Variants in ZEB1 observed in about 807,000 individuals in gnomAD.
ZEB1 encodes the protein zinc finger E-box binding homeobox 1.
Under a neutral mutation model 84.9 loss-of-function variants are expected in ZEB1, and 21 were observed. The observed-to-expected ratio is 0.25, with a 90% CI of 0.18 to 0.36. The LOEUF (loss-of-function observed/expected upper bound fraction) is 0.36. ZEB1 is among the 10% of genes least tolerant of loss of function. The pLI, the probability that ZEB1 is intolerant of heterozygous loss-of-function variation, is 1.00. For synonymous variants in ZEB1, 420 were observed against 471.1 expected (o/e 0.89, Z 1.41); for missense variants, 1,104 against 1,330.2 (o/e 0.83, Z 2.65).
In ZEB1 at chr10:31,319,439, C is replaced by T; in HGVS notation, c.58+147C>T. 5.4e-6 allele frequency: 4 copies of T among 744,928 alleles called. No homozygotes were observed. In the East Asian group the frequency reaches 8.1e-5, roughly 15 times the overall value. The allele number at this position is 744,928 out of a possible 1,614,324, so 46.1% of individuals were successfully genotyped here. A position where few individuals can be genotyped will look rare whatever the true frequency, so the allele number is the denominator to read the frequency against. ...GTGGGAAAGTAGAAAGTAGTGCTCT[C>T]TGCCCCCCTCCGCTGCCGCCGCTGC... On this transcript the variant is annotated intron_variant, in intron 1 of 8. Coordinates refer to ENST00000424869, the MANE Select transcript of ZEB1 (RefSeq NM_001174096.2).
intron 2 of ZEB1, among the ~76,000 whole-genome samples, chr10:31,490,513 G>GTTCTAAAAT (rs1228943075): frequency 1.3e-5 from 2 of 151,538 alleles, no homozygotes. Flanking sequence ...TGTATGTTTA[G>GTTCTAAAAT]TTCTAAAATT....
chr10:31,367,407 A>G (rs994092531), intron 1 of ZEB1, among the ~76,000 whole-genome samples: 1 of 152,144 alleles, frequency 6.6e-6, no homozygotes, highest in South Asian at 2.1e-4. Context: ...AGGTGGTGGT[A>G]GTAGTGATAA....
intron 2 of ZEB1, among the ~76,000 whole-genome samples, chr10:31,488,459 TC>T: frequency 1.3e-5 from 2 of 151,230 alleles, no homozygotes; most frequent in Middle Eastern, 6.8e-3. Flanking sequence ...TGCTTACCGA[TC>T]CTACTACAGT....
chr10:31,486,266 C>A (rs2065751951), intron 2 of ZEB1, among the ~76,000 whole-genome samples: 1 of 151,608 alleles, frequency 6.6e-6, no homozygotes, highest in South Asian at 2.1e-4. Flanking sequence ...GTGATTGCTG[C>A]ATAATATGTT....
At chr10:31,450,698 T>C (rs1338696409) in intron 1 of ZEB1, among the ~76,000 whole-genome samples, 1 of 152,216 alleles carries the variant, frequency 6.6e-6, no homozygotes. Context: ...TGCAAAAGTA[T>C]CAGCAAGGGA....
chr10:31,389,784 T>A (rs1213890044), intron 1 of ZEB1: 1 of 152,172 alleles, frequency 6.6e-6, no homozygotes, highest in African/African-American at 2.4e-5. Flanking sequence ...ACCCAATATA[T>A]ACAAAAATAT....
At chr10:31,356,500 T>G (rs1030355072) in intron 1 of ZEB1, among the ~76,000 whole-genome samples, 3 of 152,154 alleles carry the variant, frequency 2.0e-5, no homozygotes, top group Admixed American at 1.3e-4. Flanking sequence ...TCAAATAGCT[T>G]TCTATTAAGA....
intron 2 of ZEB1, among the ~76,000 whole-genome samples, chr10:31,464,134 G>A (rs185418040): frequency 6.6e-6 from 1 of 152,136 alleles, no homozygotes; most frequent in Admixed American, 6.5e-5. Context: ...AAATTAAACA[G>A]GGTTAAAGAA....
At chr10:31,454,959 A>G (rs565892526) in intron 1 of ZEB1, among the ~76,000 whole-genome samples, 5 of 152,304 alleles carry the variant, frequency 3.3e-5, no homozygotes, top group African/African-American at 4.8e-5. Flanking sequence ...AGCCAAGACA[A>G]TCCTGGGCAA....
intron 1 of ZEB1, among the ~76,000 whole-genome samples, chr10:31,456,702 G>T (rs564686993): frequency 6.6e-6 from 1 of 152,128 alleles, no homozygotes; most frequent in Admixed American, 6.5e-5. Context: ...AGGCTACTTA[G>T]GTACTCTGTT....
chr10:31,407,693 A>G (rs1475404592), intron 1 of ZEB1, among the ~76,000 whole-genome samples: 1 of 152,076 alleles, frequency 6.6e-6, no homozygotes, highest in African/African-American at 2.4e-5. Flanking sequence ...AAATTCAACA[A>G]CACTTCATGC....
rs76483983 is a variant in ZEB1 at position 31,514,540 on chromosome 10, T to C, written c.688-63T>C. ...CACAAAAATGTCACTCTTAGTAGAT[T>C]GGATGTTCTTTAGTCTAAAGATCTT... is the stretch of plus-strand genomic sequence containing the variant. On this transcript the variant is annotated intron_variant, in intron 5 of 8. Transcript: ENST00000424869. 3.3e-3 allele frequency: 4,665 copies of C among 1,431,732 alleles called. 106 individuals carry two copies. In the African/African-American group the frequency reaches 0.055, roughly 17 times the overall value. 88.7% of individuals were successfully genotyped at this position (1,431,732 alleles called of 1,614,324 possible).
chr10:31,525,122 T>C (rs974878955), intron 8 of ZEB1, among the ~76,000 whole-genome samples: 1 of 152,206 alleles, frequency 6.6e-6, no homozygotes, highest in African/African-American at 2.4e-5. Context: ...AAGTCAAATA[T>C]CAGCATCCGT....
intron 1 of ZEB1, among the ~76,000 whole-genome samples, chr10:31,450,361 G>T (rs1011937246): frequency 1.1e-4 from 16 of 151,836 alleles, no homozygotes; most frequent in Admixed American, 2.0e-4. Context: ...TTTTTAGCTG[G>T]TTATTGTTGA....
intron 2 of ZEB1, among the ~76,000 whole-genome samples, chr10:31,486,179 G>GTTGC (rs2065736473): frequency 6.6e-6 from 1 of 151,786 alleles, no homozygotes; most frequent in Non-Finnish European, 1.5e-5. Flanking sequence ...TATGAGTAAA[G>GTTGC]TTGCTGTAAA....
At chr10:31,449,745 A>G (rs1339241050) in intron 1 of ZEB1, among the ~76,000 whole-genome samples, 14 of 152,106 alleles carry the variant, frequency 9.2e-5, no homozygotes, top group Admixed American at 7.2e-4. Flanking sequence ...TTCTCCTACC[A>G]CCACCATTAC....
intron 4 of ZEB1, among the ~76,000 whole-genome samples, chr10:31,502,979 T>C (rs1224823656): frequency 2.6e-5 from 4 of 152,148 alleles, no homozygotes; most frequent in Non-Finnish European, 4.4e-5. Context: ...GCAATAAAAA[T>C]GTGTTCAGAC....
At chr10:31,431,872 G>C (rs572150276) in intron 1 of ZEB1, among the ~76,000 whole-genome samples, 1 of 152,096 alleles carries the variant, frequency 6.6e-6, no homozygotes, top group Non-Finnish European at 1.5e-5. Flanking sequence ...TTATGAAAAC[G>C]TGAAATGAAG....
chr10:31,500,998 T>A (rs563683568), intron 3 of ZEB1, among the ~76,000 whole-genome samples: 3 of 152,234 alleles, frequency 2.0e-5, no homozygotes, highest in Admixed American at 1.3e-4. Context: ...TGTCATTGGT[T>A]CTCAGGTTTT....
Sources: gnomAD v4.1 joint callset for allele counts (sites outside exome capture counted in the v4.1 genomes callset) on GRCh38, gnomAD v4.1.1 for gene constraint, MANE v1.5 for transcripts, NCBI Gene and HGNC (gene_info 2026-07-23, HGNC 2026-07-21) for gene names.